Variants in FAM110B observed in about 807,000 individuals in gnomAD.
FAM110B encodes protein FAM110B.
FAM110B carries 6 observed loss-of-function variants against 20.4 expected under a neutral mutation model. The observed-to-expected ratio is 0.29, with a 90% confidence interval of 0.16 to 0.58. The LOEUF is 0.58. FAM110B is among the 20% of genes least tolerant of loss of function. The pLI, the probability that FAM110B is intolerant of heterozygous loss-of-function variation, is 0.90. For synonymous variants in FAM110B, 226 were observed against 214.1 expected (o/e 1.06, Z -0.49); for missense variants, 434 against 498.2 (o/e 0.87, Z 1.23).
chr8:58,039,369 G>A (rs936257421), intron 2 of FAM110B, among the ~76,000 whole-genome samples: 17 of 152,204 alleles, frequency 1.1e-4, no homozygotes, highest in African/African-American at 3.4e-4. Flanking sequence ...CGAGGCAGGC[G>A]AGTCCACCCT....
At chr8:58,125,194 A>G (rs2150629871) in intron 3 of FAM110B, among the ~76,000 whole-genome samples, 1 of 152,286 alleles carries the variant, frequency 6.6e-6, no homozygotes, top group East Asian at 1.9e-4. Flanking sequence ...CAAAAAATAT[A>G]AAAATTAGCT....
intron 3 of FAM110B, among the ~76,000 whole-genome samples, chr8:58,135,966 A>C (rs1302395024): frequency 6.8e-6 from 1 of 148,116 alleles, no homozygotes; most frequent in African/African-American, 2.5e-5. Flanking sequence ...AAAATGGGGA[A>C]TCCACTAACT....
intron 3 of FAM110B, among the ~76,000 whole-genome samples, chr8:58,092,035 A>G (rs1328340561): frequency 2.6e-5 from 4 of 152,242 alleles, no homozygotes; most frequent in Non-Finnish European, 5.9e-5. Flanking sequence ...TATTATTAAT[A>G]ATAGTACTTC....
intron 1 of FAM110B, among the ~76,000 whole-genome samples, chr8:58,023,444 A>G (rs990601500): frequency 2.0e-5 from 3 of 152,206 alleles, no homozygotes; most frequent in Non-Finnish European, 4.4e-5. Context: ...GTGACTTTGG[A>G]AAAACTGGGC....
chr8:58,127,496 G>C (rs185645634), intron 3 of FAM110B, among the ~76,000 whole-genome samples: 214 of 151,962 alleles, frequency 1.4e-3, no homozygotes, highest in African/African-American at 4.8e-3. Flanking sequence ...TCTTACACCT[G>C]CTTCTTCTTT....
intron 3 of FAM110B, among the ~76,000 whole-genome samples, chr8:58,081,259 T>C (rs1806183490): frequency 6.6e-6 from 1 of 152,172 alleles, no homozygotes; most frequent in African/African-American, 2.4e-5. Context: ...CAGGCTGGAG[T>C]GCAGTGGCAC....
chr8:58,041,621 G>A (rs1805223348), intron 2 of FAM110B, among the ~76,000 whole-genome samples: 2 of 152,206 alleles, frequency 1.3e-5, no homozygotes, highest in South Asian at 4.1e-4. Flanking sequence ...TGCCAGGTAG[G>A]GAAGGTAAGC....
chr8:58,133,092 A>G (rs543794611), intron 3 of FAM110B, among the ~76,000 whole-genome samples: 158 of 151,892 alleles, frequency 1.0e-3, no homozygotes, highest in African/African-American at 3.6e-3. Flanking sequence ...TGAAAGATGT[A>G]TTTTGCCCTC....
intron 2 of FAM110B, among the ~76,000 whole-genome samples, chr8:58,033,017 G>A (rs1237960124): frequency 6.6e-6 from 1 of 152,192 alleles, no homozygotes. Flanking sequence ...CAGCCAGGTA[G>A]CAACCATAGT....
chr8:58,091,479 T>A (rs1307032187), intron 3 of FAM110B: 1 of 151,970 alleles, frequency 6.6e-6, no homozygotes, highest in South Asian at 2.1e-4. Context: ...CCATGAAGGG[T>A]TTTGGCTCAG....
intron 3 of FAM110B, among the ~76,000 whole-genome samples, chr8:58,092,381 G>T (rs1019709505): frequency 6.6e-6 from 1 of 152,072 alleles, no homozygotes; most frequent in African/African-American, 2.4e-5. Flanking sequence ...TTCTCCTAAT[G>T]CTATTCCTTC....
intron 3 of FAM110B, among the ~76,000 whole-genome samples, chr8:58,100,622 C>G (rs1246860281): frequency 6.6e-6 from 1 of 152,236 alleles, no homozygotes; most frequent in African/African-American, 2.4e-5. Context: ...TCATCTCCAT[C>G]TCTGCCTTCA....
At chr8:58,100,969 C>G (rs1165566110) in intron 3 of FAM110B, 2 of 151,920 alleles carry the variant, frequency 1.3e-5, no homozygotes, top group Non-Finnish European at 2.9e-5. Context: ...GTCAGGAGAT[C>G]GAGACCATCC....
intron 3 of FAM110B, among the ~76,000 whole-genome samples, chr8:58,110,420 A>G (rs1280296219): frequency 6.6e-6 from 1 of 152,190 alleles, no homozygotes; most frequent in Non-Finnish European, 1.5e-5. Context: ...TAAAATTTAA[A>G]TTTCTTCTTT....
chr8:58,020,050 GT>G (rs891684050), intron 1 of FAM110B, among the ~76,000 whole-genome samples: 13 of 151,158 alleles, frequency 8.6e-5, no homozygotes, highest in African/African-American at 3.2e-4. Context: ...AAATTTGTGT[GT>G]TTTTTTTCCT....
intron 2 of FAM110B, among the ~76,000 whole-genome samples, chr8:58,049,691 GTCTT>G (rs1805400975): frequency 1.3e-5 from 2 of 152,184 alleles, no homozygotes; most frequent in Admixed American, 1.3e-4. Flanking sequence ...GACTGTCTGT[GTCTT>G]TCTTAATAGC....
chr8:58,077,174 G>A (rs1228736442), intron 3 of FAM110B: 1 of 152,232 alleles, frequency 6.6e-6, no homozygotes, highest in Non-Finnish European at 1.5e-5. Context: ...TTGGCTGGAA[G>A]GAGGTTTGCA....
chr8:58,005,411 T>G (rs1804380968), intron 1 of FAM110B, among the ~76,000 whole-genome samples: 1 of 152,212 alleles, frequency 6.6e-6, no homozygotes, highest in Non-Finnish European at 1.5e-5. Flanking sequence ...CGAAAAAGTT[T>G]AAAATATTGT....
intron 3 of FAM110B, among the ~76,000 whole-genome samples, chr8:58,127,648 A>G (rs911473695): frequency 6.6e-6 from 1 of 152,238 alleles, no homozygotes; most frequent in Non-Finnish European, 1.5e-5. Context: ...AGTCAATTGT[A>G]TTTCTCAATA....
Sources: allele counts gnomAD v4.1 joint callset (sites outside exome capture counted in the v4.1 genomes callset), GRCh38; gene constraint gnomAD v4.1.1; transcripts MANE v1.5; gene names NCBI Gene and HGNC (gene_info 2026-07-23, HGNC 2026-07-21).